The following CDH4 variants were observed in gnomAD, a reference collection of about 807,000 sequenced individuals.
The protein encoded by CDH4 is cadherin 4.
CDH4 carries 33 observed loss-of-function variants against 86.0 expected under a neutral mutation model. That is an observed-to-expected ratio of 0.38 (90% CI 0.29 to 0.51). The LOEUF is 0.51. CDH4 is among the 20% of genes least tolerant of loss of function. CDH4 has a pLI of 0.86. For missense variants in CDH4, 1,114 were observed against 1,307.4 expected (o/e 0.85, Z 2.28); for synonymous variants, 555 against 549.4 (o/e 1.01, Z -0.14).
intron 2 of CDH4, among the ~76,000 whole-genome samples, chr20:61,608,803 C>T (rs1568710943): frequency 1.3e-5 from 2 of 152,182 alleles, no homozygotes; most frequent in African/African-American, 4.8e-5. Context: ...ATGAAGCTGT[C>T]ATGTGATCAG....
intron 2 of CDH4, among the ~76,000 whole-genome samples, chr20:61,418,386 AT>A (rs1471673122): frequency 1.3e-5 from 2 of 151,260 alleles, no homozygotes; most frequent in African/African-American, 2.4e-5. Flanking sequence ...AATTTTTTGT[AT>A]TTTTTAGTAG....
intron 2 of CDH4, among the ~76,000 whole-genome samples, chr20:61,353,303 A>G (rs6028152): frequency 0.5 from 76,021 of 151,866 alleles, 19,500 homozygotes; most frequent in Middle Eastern, 0.71. Flanking sequence ...ACCATGGGGC[A>G]GCCGCGTGTC....
At chr20:61,504,159 G>A (rs941791859) in intron 2 of CDH4, among the ~76,000 whole-genome samples, 3 of 152,190 alleles carry the variant, frequency 2.0e-5, no homozygotes, top group East Asian at 1.9e-4. Flanking sequence ...CTCAGATCCC[G>A]CAGGTAGTAC....
chr20:61,283,981 T>G (rs2084279220), intron 2 of CDH4, among the ~76,000 whole-genome samples: 1 of 152,066 alleles, frequency 6.6e-6, no homozygotes, highest in African/African-American at 2.4e-5. Context: ...CCACATTTAC[T>G]CAATTAGTGG....
At chr20:61,363,214 TC>T (rs1477151435) in intron 2 of CDH4, among the ~76,000 whole-genome samples, 3 of 152,116 alleles carry the variant, frequency 2.0e-5, no homozygotes, top group Admixed American at 6.5e-5. Context: ...TTTCTCATCC[TC>T]CCATCCGTTT....
chr20:61,359,504 G>A (rs534561358), intron 2 of CDH4, among the ~76,000 whole-genome samples: 4 of 152,204 alleles, frequency 2.6e-5, no homozygotes, highest in South Asian at 2.1e-4. Context: ...ACCTCCACGC[G>A]GCAGGTTTGA....
intron 2 of CDH4, among the ~76,000 whole-genome samples, chr20:61,540,322 T>C (rs2086030790): frequency 6.6e-6 from 1 of 152,240 alleles, no homozygotes; most frequent in East Asian, 1.9e-4. Context: ...TCCTTTGACA[T>C]GGTTCTTGTG....
At chr20:61,735,697 G>A (rs1015822334) in intron 2 of CDH4, among the ~76,000 whole-genome samples, 3 of 152,232 alleles carry the variant, frequency 2.0e-5, no homozygotes, top group African/African-American at 7.2e-5. Flanking sequence ...CACGGCCTCC[G>A]TGGCTAACGG....
At chr20:61,526,620 G>T (rs1404636829) in intron 2 of CDH4, among the ~76,000 whole-genome samples, 1 of 149,866 alleles carries the variant, frequency 6.7e-6, no homozygotes, top group Non-Finnish European at 1.5e-5. Context: ...CTAGCATTAG[G>T]TATATCTCCC....
At chr20:61,317,009 ATTTC>A (rs1273037820) in intron 2 of CDH4, among the ~76,000 whole-genome samples, 2 of 140,450 alleles carry the variant, frequency 1.4e-5, no homozygotes, top group Non-Finnish European at 3.0e-5. Context: ...GTAACCTGCT[ATTTC>A]TTTTTTTTTT....
At chr20:61,455,138 A>T (rs988674356) in intron 2 of CDH4, among the ~76,000 whole-genome samples, 1 of 151,796 alleles carries the variant, frequency 6.6e-6, no homozygotes, top group Non-Finnish European at 1.5e-5. Context: ...ACCACAACCA[A>T]CATCCCAGAG....
chr20:61,428,872 T>C (rs2085229076), intron 2 of CDH4, among the ~76,000 whole-genome samples: 1 of 152,200 alleles, frequency 6.6e-6, no homozygotes, highest in Non-Finnish European at 1.5e-5. Context: ...TTTCCAGCTA[T>C]GTTCCAGGGA....
chr20:61,454,246 A>G (rs1362400802), intron 2 of CDH4, among the ~76,000 whole-genome samples: 1 of 152,128 alleles, frequency 6.6e-6, no homozygotes, highest in African/African-American at 2.4e-5. Context: ...GACAGTTCCT[A>G]TCCTCACGGA....
chr20:61,263,936 A>G (rs1029026702), intron 2 of CDH4, among the ~76,000 whole-genome samples: 5 of 151,422 alleles, frequency 3.3e-5, no homozygotes, highest in African/African-American at 1.2e-4. Flanking sequence ...GGTCACATCC[A>G]CCTCTCTCTA....
At chr20:61,371,465 A>G (rs2084839921) in intron 2 of CDH4, among the ~76,000 whole-genome samples, 1 of 152,240 alleles carries the variant, frequency 6.6e-6, no homozygotes, top group African/African-American at 2.4e-5. Context: ...TCACCCTGCC[A>G]GCTCTCAGTG....
intron 15 of CDH4, 79 bp from the exon 16 acceptor site, chr20:61,936,658 G>T: frequency 8.3e-7 from 1 of 1,205,322 alleles, no homozygotes; most frequent in Non-Finnish European, 1.1e-6. Flanking sequence ...TCTTCTTCTG[G>T]GCCTCGCTTT....
intron 2 of CDH4, among the ~76,000 whole-genome samples, chr20:61,404,935 A>G (rs577240274): frequency 6.6e-6 from 1 of 152,278 alleles, no homozygotes; most frequent in South Asian, 2.1e-4. Flanking sequence ...CTGTAGTCCC[A>G]GCTATTCACG....
At chr20:61,862,733 T>C (rs1282070982) in intron 6 of CDH4, among the ~76,000 whole-genome samples, 1 of 152,244 alleles carries the variant, frequency 6.6e-6, no homozygotes, top group Non-Finnish European at 1.5e-5. Flanking sequence ...TTGATGATTT[T>C]TTAACTAAAA....
chr20:61,848,165 G>A (rs951546935), intron 5 of CDH4, among the ~76,000 whole-genome samples: 1 of 152,194 alleles, frequency 6.6e-6, no homozygotes, highest in Non-Finnish European at 1.5e-5. Context: ...AGGGACCTGG[G>A]TCCCACACCT....
Sources: allele counts gnomAD v4.1 joint callset (sites outside exome capture counted in the v4.1 genomes callset), GRCh38; gene constraint gnomAD v4.1.1; transcripts MANE v1.5; gene names NCBI Gene and HGNC (gene_info 2026-07-23, HGNC 2026-07-21).